ATP2C1: variants seen among roughly 807,000 people sequenced by gnomAD.
ATP2C1 encodes ATPase secretory pathway Ca2+ transporting 1, also known as calcium-transporting ATPase type 2C member 1.
ATP2C1 carries 31 observed loss-of-function variants against 120.5 expected under a neutral mutation model. The ratio of observed to expected loss-of-function variants is 0.26; its 90% confidence interval spans 0.19 to 0.35. ATP2C1 has a LOEUF of 0.35. Among genes scored for constraint, ATP2C1 ranks in the 10% least tolerant of loss-of-function variants. The pLI is 1.00. For missense variants in ATP2C1, 731 were observed against 1,107.5 expected, an observed-to-expected ratio of 0.66 and a Z score of 4.83; for synonymous variants, 351 against 358.7, an observed-to-expected ratio of 0.98 and a Z score of 0.24.
At chr3:130,871,448 C>A (rs771791899) in intron 1 of ATP2C1, among the ~76,000 whole-genome samples, 59 of 152,288 alleles carry the variant, frequency 3.9e-4, no homozygotes, top group Middle Eastern at 3.4e-3. Context: ...TACAGTAGGA[C>A]TGAGGTGGGG....
rs187428855 is a variant in ATP2C1, at chr3:131,010,254, G to A, written c.2630-5898G>A. 4.4e-4 allele frequency among the ~76,000 whole-genome samples: 63 copies of A among 141,914 alleles called. 2 individuals are homozygous for A. In the East Asian group the frequency reaches 0.013, roughly 29 times the overall value. The allele number at this position is 141,914 out of a possible 152,430, so 93.1% of individuals were successfully genotyped here. A position where few individuals can be genotyped will look rare whatever the true frequency, so the allele number is the denominator to read the frequency against. Reference sequence around the variant, plus strand: ...TGCCCAGGCTGGAGTGCAGTGGAACGATCTCGGCTCACTGCAAGCTCTGCA... The same window carrying A: ...TGCCCAGGCTGGAGTGCAGTGGAACAATCTCGGCTCACTGCAAGCTCTGCA... On this transcript the variant is annotated intron_variant, in intron 26 of 26. Transcript: ENST00000328560.
At chr3:130,869,811 G>T (rs1576553944) in intron 1 of ATP2C1, among the ~76,000 whole-genome samples, 1 of 152,178 alleles carries the variant, frequency 6.6e-6, no homozygotes, top group East Asian at 1.9e-4. Context: ...GAGGTTTAAG[G>T]AAAGAAGCAA....
chr3:130,959,049 GGT>G (rs932896498), intron 11 of ATP2C1, among the ~76,000 whole-genome samples: 2 of 151,916 alleles, frequency 1.3e-5, no homozygotes, highest in African/African-American at 4.8e-5. Flanking sequence ...GTGCATGTGT[GGT>G]GTGTGTGTGC....
chr3:130,894,572 TC>T lies in ATP2C1; in HGVS notation c.-180-16del. 2 of 1,445,000 alleles carry T rather than the reference TC, an allele frequency of 1.4e-6. No individual in the cohort carries two copies. Among genetic ancestry groups the T allele is most frequent in the Non-Finnish European group, 9.1e-7 (1 of 1,098,146 alleles). The allele number at this position is 1,445,000 out of a possible 1,614,324, so 89.5% of individuals were successfully genotyped here. A position where few individuals can be genotyped will look rare whatever the true frequency, so the allele number is the denominator to read the frequency against. Reference sequence around the variant, plus strand: ...CTCAGCCTCTCGTCAGCGCCGCTTCTCCTGGTTTCTCTTGCAGATGCTGCTG... The same window carrying T: ...CTCAGCCTCTCGTCAGCGCCGCTTCTCTGGTTTCTCTTGCAGATGCTGCTG... On this transcript the variant is annotated splice_polypyrimidine_tract_variant and intron_variant, in intron 1 of 27. Coordinates refer to ENST00000510168, the MANE Select transcript of ATP2C1 (RefSeq NM_001378687.1). This position sits in a 1 kb window ranked among gnomAD's most constrained non-coding sequence, Gnocchi z 4.5.
At chr3:130,990,271 A>ACCCC (rs1292638753) in intron 20 of ATP2C1, among the ~76,000 whole-genome samples, 3 of 61,862 alleles carry the variant, frequency 4.8e-5, no homozygotes, top group Admixed American at 1.5e-4. Context: ...GCTTAAGAGC[A>ACCCC]ACCCCCCCCC....
chr3:130,981,381 T>C lies in ATP2C1; in HGVS notation c.1839+702T>C, dbSNP rs192973728. 2.4e-4 allele frequency among the ~76,000 whole-genome samples: 36 copies of C among 152,304 alleles called. No individual in the cohort carries two copies. The East Asian group carries it at 6.7e-3, about 29-fold the overall frequency. On this transcript the variant is annotated intron_variant, in intron 20 of 27. Coordinates refer to ENST00000510168, the MANE Select transcript of ATP2C1 (RefSeq NM_001378687.1). The stretch of plus-strand genomic sequence containing the variant: ...ATGTTGGTTGTGTGTATTAGTAGTT[T>C]GTTGTTGTTTTTTAAAGTAATATTC...
At chr3:130,949,364 A>G (rs2060274444) in intron 8 of ATP2C1, among the ~76,000 whole-genome samples, 1 of 152,148 alleles carries the variant, frequency 6.6e-6, no homozygotes, top group Non-Finnish European at 1.5e-5. Flanking sequence ...CCTTAAACCA[A>G]ACCTAATCCA....
intron 2 of ATP2C1, among the ~76,000 whole-genome samples, chr3:130,900,155 T>G (rs772704154): frequency 2.6e-5 from 4 of 152,060 alleles, no homozygotes; most frequent in Non-Finnish European, 5.9e-5. Flanking sequence ...CCCTAACTCC[T>G]GGACTAATGC....
intron 17 of ATP2C1, among the ~76,000 whole-genome samples, chr3:130,971,143 G>A (rs1375940653): frequency 6.6e-6 from 1 of 152,112 alleles, no homozygotes; most frequent in Non-Finnish European, 1.5e-5. Flanking sequence ...GACTTTTTTT[G>A]ATAGGTCTAT....
chr3:130,906,229 A>G (rs1440754872), intron 2 of ATP2C1, among the ~76,000 whole-genome samples: 1 of 152,036 alleles, frequency 6.6e-6, no homozygotes, highest in East Asian at 1.9e-4. Context: ...ATTAGCAGTC[A>G]CTTCCCATTC....
intron 4 of ATP2C1, 128 bp downstream of exon 4, chr3:130,932,266 A>C (rs2059482156): frequency 2.9e-6 from 2 of 683,804 alleles, no homozygotes; most frequent in African/African-American, 1.8e-5. Context: ...TTTTACCTAA[A>C]ATTTTTCATT....
At chr3:130,951,812 G>A (rs1403403138) in intron 8 of ATP2C1, among the ~76,000 whole-genome samples, 1 of 152,052 alleles carries the variant, frequency 6.6e-6, no homozygotes, top group Admixed American at 6.5e-5. Context: ...ATTTTTGTAA[G>A]CTTATTTTGA....
Position 130,894,274 on chromosome 3 carries a change from G to A in ATP2C1, c.-244G>A, listed in dbSNP as rs2069375623. 1.0e-6 allele frequency: 1 copy of A among 985,994 alleles called. No homozygotes were observed. The highest frequency in any genetic ancestry group is 4.7e-5 in the South Asian group (1 of 21,504). 61.1% of individuals were successfully genotyped at this position (985,994 alleles called of 1,614,324 possible). On this transcript the variant is annotated 5_prime_UTR_variant, in exon 1 of 28. Coordinates refer to ENST00000510168, the MANE Select transcript of ATP2C1 (RefSeq NM_001378687.1). The surrounding 1 kb of genome is among the most constrained non-coding windows in gnomAD (Gnocchi z 4.5). ...GCTCCTCTTCTCCCGAGGCGCGCGG[G>A]GCGCCCCCGCGAGCCCCGCGGCTGA...
intron 1 of ATP2C1, among the ~76,000 whole-genome samples, chr3:130,871,286 C>T (rs904681769): frequency 2.0e-5 from 3 of 152,200 alleles, no homozygotes; most frequent in African/African-American, 7.2e-5. Context: ...TTCTTATTCA[C>T]TCTTAGAATT....
At chr3:130,994,205 G>A (rs942867686) in intron 22 of ATP2C1, 107 bp downstream of exon 22, 18 of 1,365,128 alleles carry the variant, frequency 1.3e-5, no homozygotes, top group Non-Finnish European at 1.6e-5. Context: ...TAAACATTAG[G>A]TAAACTAAAC....
rs2069796521 is a variant in ATP2C1, at chr3:130,898,094, T to A, written c.6+3319T>A. Reference sequence around the variant, plus strand: ...CTAGTAATGGATTTATTTTTTGGAATAAATTTGGCCTTTCCCATAGAAAAT... The same window carrying A: ...CTAGTAATGGATTTATTTTTTGGAAAAAATTTGGCCTTTCCCATAGAAAAT... On this transcript the variant is annotated intron_variant, in intron 2 of 27. Coordinates refer to ENST00000510168, the MANE Select transcript of ATP2C1 (RefSeq NM_001378687.1). 2.6e-5 allele frequency among the ~76,000 whole-genome samples: 4 copies of A among 152,304 alleles called. No individual in the cohort carries two copies. In the South Asian group the frequency reaches 8.3e-4, roughly 32 times the overall value.
chr3:130,882,102 T>C (rs924532349), intron 1 of ATP2C1, among the ~76,000 whole-genome samples: 1 of 152,216 alleles, frequency 6.6e-6, no homozygotes, highest in Non-Finnish European at 1.5e-5. Flanking sequence ...ATAATAGTGG[T>C]GAAAAAGTGG....
At chr3:130,972,522 T>C (rs2061366429) in intron 17 of ATP2C1, among the ~76,000 whole-genome samples, 1 of 151,346 alleles carries the variant, frequency 6.6e-6, no homozygotes, top group Admixed American at 6.6e-5. Flanking sequence ...GTGCACAATG[T>C]GCCGGTTAGT....
chr3:130,964,193 C>A, intron 13 of ATP2C1, 98 bp downstream of exon 13: 1 of 1,548,408 alleles, frequency 6.5e-7, no homozygotes, highest in Non-Finnish European at 8.9e-7. Context: ...TAGAGATTTG[C>A]ATAATGATGT....
Sources: allele counts gnomAD v4.1 joint callset (sites outside exome capture counted in the v4.1 genomes callset), GRCh38; gene constraint gnomAD v4.1.1; non-coding constraint Gnocchi (gnomAD v3.1); transcripts MANE v1.5; gene names NCBI Gene and HGNC (gene_info 2026-07-23, HGNC 2026-07-21).